Variants in WWC1 observed in about 807,000 individuals in gnomAD.
The protein encoded by WWC1 is protein KIBRA.
Under a neutral mutation model 138.4 loss-of-function variants are expected in WWC1, and 55 were observed. The ratio of observed to expected loss-of-function variants is 0.40; its 90% CI spans 0.32 to 0.50. WWC1 has a LOEUF of 0.50. WWC1 is among the 20% of genes least tolerant of loss of function. The pLI is 0.72. For missense variants in WWC1, 1,226 were observed against 1,420.4 expected, an observed-to-expected ratio of 0.86 and a Z score of 2.20; for synonymous variants, 524 against 564.9, an observed-to-expected ratio of 0.93 and a Z score of 1.03.
intron 17 of WWC1, among the ~76,000 whole-genome samples, chr5:168,448,299 T>A (rs772562511): frequency 3.1e-4 from 47 of 152,166 alleles, no homozygotes; most frequent in Non-Finnish European, 1.5e-4. Context: ...CTGTTCCAAT[T>A]TACAGTCCTT....
rs762285329 is a variant in WWC1 at position 168,467,981 on chromosome 5, G to T, written c.3275+17G>T. The T allele has an allele frequency of 2.5e-6, 4 of 1,613,648 alleles. No homozygotes were observed. The highest frequency in any genetic ancestry group is 1.6e-4 in the Middle Eastern group (1 of 6,082). On this transcript the variant is annotated intron_variant, in intron 22 of 22. Coordinates refer to ENST00000265293, the MANE Select transcript of WWC1 (RefSeq NM_015238.3). ...GTCTTTCAGGTAAGCAGAGGGCCCC[G>T]GCAGCCCCCCATCCCTTTCTCAGCC...
At chr5:168,465,342 G>A (rs1170042593) in intron 21 of WWC1, among the ~76,000 whole-genome samples, 1 of 152,084 alleles carries the variant, frequency 6.6e-6, no homozygotes, top group African/African-American at 2.4e-5. Context: ...CTCGATGCCT[G>A]CCCAGGAAGT....
chr5:168,459,254 C>CAAAAA (rs34453947), intron 19 of WWC1, among the ~76,000 whole-genome samples: 14 of 94,680 alleles, frequency 1.5e-4, no homozygotes, highest in Non-Finnish European at 2.2e-4. Flanking sequence ...AACCCTGTCT[C>CAAAAA]AAAAAAAAAA....
At position 168,423,009 on chromosome 5, in the gene WWC1, G is replaced by C. The variant is rs574645249; in HGVS notation, c.1275-524G>C. On this transcript the variant is annotated intron_variant, in intron 10 of 22. Transcript: ENST00000265293. Reference sequence around the variant, plus strand: ...AAAATACAAAAAATTAACCGGGCGTGGTGGCAGGTGCCTGTAGTCCCAGCC... The same window carrying C: ...AAAATACAAAAAATTAACCGGGCGTCGTGGCAGGTGCCTGTAGTCCCAGCC... Among the ~76,000 whole-genome samples the C allele has an allele frequency of 3.3e-5, 5 of 151,954 alleles. No individual in the cohort carries two copies. In the East Asian group the frequency reaches 7.8e-4, roughly 24 times the overall value.
At chr5:168,460,973 G>A (rs1756752797) in intron 20 of WWC1, among the ~76,000 whole-genome samples, 1 of 152,204 alleles carries the variant, frequency 6.6e-6, no homozygotes, top group Non-Finnish European at 1.5e-5. Flanking sequence ...TGACAAATAG[G>A]TTAGATGAGG....
intron 1 of WWC1, among the ~76,000 whole-genome samples, chr5:168,336,353 A>G (rs541683182): frequency 2.5e-3 from 386 of 152,092 alleles, no homozygotes; most frequent in African/African-American, 8.4e-3. Flanking sequence ...GGTGGATCAC[A>G]TGAGGTAAGG....
intron 1 of WWC1, among the ~76,000 whole-genome samples, chr5:168,293,425 T>G (rs532224360): frequency 8.6e-5 from 13 of 151,946 alleles, no homozygotes; most frequent in African/African-American, 3.1e-4. Flanking sequence ...TAGCAAGATG[T>G]GGGTCAAAAA....
intron 5 of WWC1, among the ~76,000 whole-genome samples, chr5:168,403,070 CT>C (rs148600569): frequency 2.3e-5 from 2 of 86,832 alleles, no homozygotes; most frequent in Non-Finnish European, 4.8e-5. Flanking sequence ...TTCTTTCTTT[CT>C]TTCTTTCTTT....
chr5:168,385,453 A>G (rs756712761), intron 3 of WWC1, 39 bp downstream of exon 3: 20 of 1,595,276 alleles, frequency 1.3e-5, no homozygotes, highest in South Asian at 1.1e-5. Flanking sequence ...ACCGACACCA[A>G]CAGAGAATGG....
intron 1 of WWC1, among the ~76,000 whole-genome samples, chr5:168,369,821 T>A (rs1231688483): frequency 6.6e-6 from 1 of 152,096 alleles, no homozygotes; most frequent in Non-Finnish European, 1.5e-5. Context: ...GAGTGAGTTT[T>A]AGAGGGCAGG....
chr5:168,422,717 G>C (rs1292659410), intron 10 of WWC1, among the ~76,000 whole-genome samples: 3 of 152,212 alleles, frequency 2.0e-5, no homozygotes, highest in Non-Finnish European at 2.9e-5. Flanking sequence ...CAGTGCATCA[G>C]TGGAATTCAA....
rs747188299 is a variant in WWC1, at chr5:168,428,090, C to T, written c.1868C>T (p.Ser623Leu). Reference protein sequence around the residue: ...LKVACVSAAVSDESVAGDSGV... With the variant: ...LKVACVSAAVLDESVAGDSGV... ...GTGGCCTGTGTCTCAGCCGCCGTAT[C>T]GGACGAGTCAGTGGCTGGAGACAGT... Residue 623 changes from serine to leucine, a missense_variant, in exon 12 of 23, where the codon TCG becomes TTG. This residue lies in a region of WWC1 where 1,016 missense variants were observed against 1,153.9 expected (regional missense o/e 0.88). Transcript: ENST00000265293. The T allele has an allele frequency of 6.2e-7, 1 of 1,613,842 alleles. No homozygotes were observed. The highest frequency in any genetic ancestry group is 8.5e-7 in the Non-Finnish European group (1 of 1,179,816).
intron 1 of WWC1, among the ~76,000 whole-genome samples, chr5:168,304,475 C>G (rs1703927916): frequency 6.6e-6 from 1 of 152,228 alleles, no homozygotes; most frequent in African/African-American, 2.4e-5. Flanking sequence ...TCTTCAGCCT[C>G]TTCACTGGTC....
At chr5:168,305,691 G>T (rs570060060) in intron 1 of WWC1, among the ~76,000 whole-genome samples, 1 of 152,138 alleles carries the variant, frequency 6.6e-6, no homozygotes, top group East Asian at 1.9e-4. Context: ...GAGATGAGGA[G>T]GTGTCTTTGG....
At position 168,428,148 on chromosome 5, in the gene WWC1, G is replaced by A; in HGVS notation, c.1919+7G>A. 3.1e-6 allele frequency: 5 copies of A among 1,611,848 alleles called. No individual in the cohort carries two copies. The highest frequency in any genetic ancestry group is 4.2e-6 in the Non-Finnish European group (5 of 1,178,460). On this transcript the variant is annotated splice_region_variant and intron_variant, in intron 12 of 22. Transcript: ENST00000265293. ...ACGAGGCTTCCGTGCAGAGGTAGGT[G>A]TCTGGGTGCTGGCTCTCTCTGTGGC... is the stretch of plus-strand genomic sequence containing the variant.
chr5:168,439,126 C>T (rs1754521165), intron 15 of WWC1, among the ~76,000 whole-genome samples: 1 of 152,160 alleles, frequency 6.6e-6, no homozygotes, highest in Non-Finnish European at 1.5e-5. Context: ...GATATACTTA[C>T]CCCACTCTCT....
chr5:168,291,911 C>A lies in WWC1; in HGVS notation c.-242C>A, dbSNP rs1237685624. ...CGGGCTCGCACCGCGCCGCTGCGGA[C>A]GCACATGGCAGCGTGAGAGGCCGGC... is the stretch of plus-strand genomic sequence containing the variant. On this transcript the variant is annotated 5_prime_UTR_variant, in exon 1 of 23. Coordinates refer to ENST00000265293, the MANE Select transcript of WWC1 (RefSeq NM_015238.3). The A allele has an allele frequency of 1.5e-5, 3 of 204,518 alleles. No individual in the cohort carries two copies. 12.7% of individuals were successfully genotyped at this position (204,518 alleles called of 1,614,324 possible). A position where few individuals can be genotyped will look rare whatever the true frequency, so the allele number is the denominator to read the frequency against.
intron 6 of WWC1, among the ~76,000 whole-genome samples, chr5:168,407,692 C>T (rs893798947): frequency 1.3e-4 from 20 of 152,238 alleles, no homozygotes; most frequent in African/African-American, 4.3e-4. Context: ...AGCTTCTCAT[C>T]GATAAATTGG....
At chr5:168,431,495 TGGCTGGCTGACC>T in intron 15 of WWC1, 51 bp downstream of exon 15, 1 of 1,533,040 alleles carries the variant, frequency 6.5e-7, no homozygotes, top group Non-Finnish European at 8.8e-7. Context: ...GCTGGCTGGC[TGGCTGGCTGACC>T]GGCCTTCTGT....
Sources: gnomAD v4.1 joint callset for allele counts (sites outside exome capture counted in the v4.1 genomes callset) on GRCh38, gnomAD v4.1.1 for gene constraint, gnomAD v4.1.1 regional missense constraint, MANE v1.5 for transcripts, NCBI Gene and HGNC (gene_info 2026-07-23, HGNC 2026-07-21) for gene names.